CHMP2A: variants seen among roughly 807,000 people sequenced by gnomAD.
CHMP2A encodes the protein charged multivesicular body protein 2A.
CHMP2A carries 6 observed loss-of-function variants against 21.8 expected under a neutral mutation model. The observed-to-expected ratio is 0.28, with a 90% confidence interval of 0.15 to 0.54. CHMP2A has a LOEUF of 0.54. Ranked by LOEUF, CHMP2A falls within the 20% of genes least tolerant of loss-of-function variation. The probability of loss-of-function intolerance (pLI) is 0.95; values close to 1 mark genes in which losing one functional copy is unlikely to be tolerated. For missense variants in CHMP2A, 303 were observed against 293.9 expected, an observed-to-expected ratio of 1.03 and a Z score of -0.23; for synonymous variants, 125 against 107.0, an observed-to-expected ratio of 1.17 and a Z score of -1.04.
In CHMP2A at chr19:58,555,077, C is replaced by CCTGTCG. The variant is rs2053878218; in HGVS notation, c.-120_-115dup. On this transcript the variant is annotated 5_prime_UTR_variant, in exon 1 of 6. Coordinates refer to ENST00000312547, the MANE Select transcript of CHMP2A (RefSeq NM_014453.4). ...TGCCCACCAACTAAGGCCCCTCGGT[C>CCTGTCG]CTGTCGCCGCCGCCGCCGTTTCCGG... 6.6e-6 allele frequency: 1 copy of CCTGTCG among 152,450 alleles called. No individual in the cohort carries two copies. The allele number at this position is 152,450 out of a possible 1,614,324, so 9.4% of individuals were successfully genotyped here.
At chr19:58,553,371 G>GTT (rs373068837) in intron 2 of CHMP2A, among the ~76,000 whole-genome samples, 1,990 of 119,974 alleles carry the variant, frequency 0.017, 65 homozygotes, top group African/African-American at 0.034. Context: ...TAGTTAACTG[G>GTT]TTTTTTTTTT....
At chr19:58,554,282 G>A in intron 1 of CHMP2A, 46 bp from the exon 2 acceptor site, 1 of 1,535,170 alleles carries the variant, frequency 6.5e-7, no homozygotes, top group Non-Finnish European at 8.8e-7. Context: ...ATGGGGCCCA[G>A]GAGGGCAAGA....
At chr19:58,553,685 T>C (rs565659460) in intron 2 of CHMP2A, 10 of 317,108 alleles carry the variant, frequency 3.2e-5, no homozygotes, top group South Asian at 2.7e-4. Flanking sequence ...CTGTAATCCC[T>C]AACCTTCCAA....
intron 2 of CHMP2A, among the ~76,000 whole-genome samples, chr19:58,553,208 C>T (rs1050554474): frequency 6.6e-6 from 1 of 151,948 alleles, no homozygotes; most frequent in Admixed American, 6.6e-5. Flanking sequence ...CAAGTATGCA[C>T]CACCATGCCC....
rs745628642 is a variant in CHMP2A at position 58,551,913 on chromosome 19, C to T, written c.534G>A (p.Glu178=). 1.9e-6 allele frequency: 3 copies of T among 1,614,150 alleles called. No homozygotes were observed. Among genetic ancestry groups the T allele is most frequent in the Non-Finnish European group, 1.7e-6 (2 of 1,180,032 alleles). Residue 178 remains glutamate (E), a synonymous_variant, in exon 5 of 6, where the codon GAG becomes GAA. Transcript: ENST00000312547. ...AGGATTTGGAGCACTCACTCGACAGCTCATCTGTTAGGCTAAGTCCCAGCT... is the reference window on the plus strand; with the variant it reads ...AGGATTTGGAGCACTCACTCGACAGTTCATCTGTTAGGCTAAGTCCCAGCT... ...LDELGLSLTD[E]LSNLPSTGGS...
At chr19:58,552,493 T>C in intron 2 of CHMP2A, 55 bp from the exon 3 acceptor site, 1 of 1,546,118 alleles carries the variant, frequency 6.5e-7, no homozygotes, top group South Asian at 1.2e-5. Flanking sequence ...CCTACACTTC[T>C]TGACACCCCA....
chr19:58,553,939 C>T (rs1220773889), intron 2 of CHMP2A, 106 bp downstream of exon 2: 2 of 1,445,786 alleles, frequency 1.4e-6, no homozygotes, highest in African/African-American at 1.4e-5. Context: ...CCTTTCACTC[C>T]ACTCGTTTTG....
intron 2 of CHMP2A, 135 bp from the exon 3 acceptor site, chr19:58,552,573 C>T: frequency 1.2e-6 from 1 of 851,676 alleles, no homozygotes; most frequent in Non-Finnish European, 1.8e-6. Flanking sequence ...CTCTGGCTAA[C>T]CCAATGGTCA....
In CHMP2A at chr19:58,552,502, C is replaced by T. The variant is rs557837852; in HGVS notation, c.169-64G>A. The T allele has an allele frequency of 3.6e-5, 54 of 1,504,416 alleles. 1 individual carries two copies. The South Asian group carries it at 5.9e-4, about 17-fold the overall frequency. 93.2% of individuals were successfully genotyped at this position (1,504,416 alleles called of 1,614,324 possible). The stretch of plus-strand genomic sequence containing the variant: ...GATTATCCTACACTTCTTGACACCC[C>T]ATTAGTTGGTTGTCCCTCCCCACCA... On this transcript the variant is annotated intron_variant, in intron 2 of 5. Transcript: ENST00000312547.
In CHMP2A at chr19:58,552,578, T is replaced by C. The variant is rs1382937983; in HGVS notation, c.169-140A>G. ...TTTCCAGAGACTCTGGCTAACCCAA[T>C]GGTCACTGGTCCCTCCCTCCTTCTG... On this transcript the variant is annotated intron_variant, in intron 2 of 5. Transcript: ENST00000312547. The C allele has an allele frequency of 6.3e-6, 5 of 790,352 alleles. No individual in the cohort carries two copies. The Admixed American group carries it at 1.4e-4, about 21-fold the overall frequency. 49.0% of individuals were successfully genotyped at this position (790,352 alleles called of 1,614,324 possible).
chr19:58,554,168 C>T lies in CHMP2A; in HGVS notation c.45G>A (p.Leu15=), dbSNP rs772153869. The part of the protein sequence containing the change: ...FGRRKTPEEL[L]RQNQRALNRA... ...GGTTCAGGGCCCTCTGGTTCTGCCG[C>T]AGTAGCTCCTCTGGCGTCTTCCGGC... Residue 15 remains leucine (L), a synonymous_variant, in exon 2 of 6, where the codon CTG becomes CTA. Transcript: ENST00000312547. 34 of 1,614,126 alleles carry T rather than the reference C, an allele frequency of 2.1e-5. No individual in the cohort carries two copies. The Admixed American group carries it at 5.3e-4, about 25-fold the overall frequency.
intron 1 of CHMP2A, 135 bp downstream of exon 1, chr19:58,554,853 G>A (rs1266900774): frequency 6.6e-6 from 1 of 152,532 alleles, no homozygotes; most frequent in Admixed American, 6.5e-5. Context: ...AAAGCAAGGT[G>A]GTGTTGGAGA....
chr19:58,554,533 C>T (rs1379855691), intron 1 of CHMP2A: 1 of 326,080 alleles, frequency 3.1e-6, no homozygotes, highest in Non-Finnish European at 5.7e-6. Flanking sequence ...ATGGGTGAGG[C>T]CCTGGAGTCC....
chr19:58,553,411 C>T (rs527655255), intron 2 of CHMP2A, among the ~76,000 whole-genome samples: 15 of 144,880 alleles, frequency 1.0e-4, no homozygotes, highest in African/African-American at 3.1e-4. Flanking sequence ...CGCTCTGTCA[C>T]CCAGGCTGGA....
intron 1 of CHMP2A, 113 bp from the exon 2 acceptor site, chr19:58,554,349 G>T: frequency 1.0e-6 from 1 of 973,776 alleles, no homozygotes; most frequent in Non-Finnish European, 1.5e-6. Flanking sequence ...GGAGACTGGA[G>T]GCAGGAATGA....
chr19:58,552,476 A>T, intron 2 of CHMP2A, 38 bp from the exon 3 acceptor site: 1 of 1,589,214 alleles, frequency 6.3e-7, no homozygotes, highest in Non-Finnish European at 8.6e-7. Context: ...CACAGGAATG[A>T]GATTATCCTA....
rs564042865 is a variant in CHMP2A at position 58,552,099 on chromosome 19, A to G, written c.435T>C (p.Asp145=). ...CATCACCCATGGCATCATCAATGGC[A>G]TCATTCATCATCTCCTCCTTCATAT... The part of the protein sequence containing the change: ...IMDMKEEMMN[D]AIDDAMGDEE... Residue 145 remains aspartate, a synonymous_variant, in exon 4 of 6, where the codon GAT becomes GAC. Transcript: ENST00000312547. The G allele has an allele frequency of 2.5e-5, 40 of 1,614,036 alleles. No homozygotes were observed. The highest frequency in any genetic ancestry group is 3.0e-5 in the Non-Finnish European group (35 of 1,180,018).
chr19:58,552,941 T>C (rs2053849799), intron 2 of CHMP2A, among the ~76,000 whole-genome samples: 1 of 152,226 alleles, frequency 6.6e-6, no homozygotes, highest in African/African-American at 2.4e-5. Flanking sequence ...CTTCTCTGCC[T>C]ACCTGTTCAG....
chr19:58,553,997 T>TA (rs1421872208), intron 2 of CHMP2A, 48 bp downstream of exon 2: 3 of 1,607,222 alleles, frequency 1.9e-6, no homozygotes, highest in Admixed American at 1.7e-5. Context: ...TCACTGCTGT[T>TA]AGAGCCGTGC....
Sources: gnomAD v4.1 joint callset for allele counts (sites outside exome capture counted in the v4.1 genomes callset) on GRCh38, gnomAD v4.1.1 for gene constraint, MANE v1.5 for transcripts, NCBI Gene and HGNC (gene_info 2026-07-23, HGNC 2026-07-21) for gene names.